The following SLC25A24 variants were observed in gnomAD, a reference collection of about 807,000 sequenced individuals.
SLC25A24 encodes mitochondrial adenyl nucleotide antiporter SLC25A24.
In SLC25A24, 49 loss-of-function variants were observed where a neutral mutation model predicts 60.7. The observed-to-expected ratio is 0.81, with a 90% CI of 0.64 to 1.02. The LOEUF (loss-of-function observed/expected upper bound fraction) is 1.02, where lower values mean the gene tolerates loss of function less well. Ranked by LOEUF, SLC25A24 falls within the 50% of genes least tolerant of loss-of-function variation. SLC25A24 has a pLI of 0.00. For synonymous variants in SLC25A24, 202 were observed against 200.6 expected, an observed-to-expected ratio of 1.01 and a Z score of -0.06; for missense variants, 564 against 586.3, an observed-to-expected ratio of 0.96 and a Z score of 0.39.
At chr1:108,163,827 T>C (rs530328247) in intron 3 of SLC25A24, among the ~76,000 whole-genome samples, 83 of 152,270 alleles carry the variant, frequency 5.5e-4, no homozygotes, top group Middle Eastern at 3.4e-3. Flanking sequence ...TCCAACACTA[T>C]GTCGAATAGG....
chr1:108,165,753 C>T (rs1027380547), intron 3 of SLC25A24, among the ~76,000 whole-genome samples: 2 of 152,128 alleles, frequency 1.3e-5, no homozygotes, highest in Admixed American at 6.5e-5. Flanking sequence ...ATCCAATTTG[C>T]CAGTCTGTGT....
intron 7 of SLC25A24, among the ~76,000 whole-genome samples, chr1:108,144,509 C>T (rs927767772): frequency 2.0e-5 from 3 of 152,112 alleles, no homozygotes; most frequent in Admixed American, 6.5e-5. Flanking sequence ...TATACACGTG[C>T]CATGGTGGTT....
rs1679263270 is a variant in SLC25A24 at position 108,135,701 on chromosome 1, C to T, written c.*952G>A. 6.6e-6 allele frequency: 1 copy of T among 152,516 alleles called. No homozygotes were observed. Among genetic ancestry groups the T allele is most frequent in the Admixed American group, 6.5e-5 (1 of 15,274 alleles). 9.4% of individuals were successfully genotyped at this position (152,516 alleles called of 1,614,324 possible). A position where few individuals can be genotyped will look rare whatever the true frequency, so the allele number is the denominator to read the frequency against. Reference sequence around the variant, plus strand: ...CTGCCCATATTGAAAACAGCAAGTTCAAAGATATTCAACAGTGAGGGAGAA... The same window carrying T: ...CTGCCCATATTGAAAACAGCAAGTTTAAAGATATTCAACAGTGAGGGAGAA... On this transcript the variant is annotated 3_prime_UTR_variant, in exon 10 of 10. Transcript: ENST00000565488.
At chr1:108,151,266 A>G (rs1679749019) in intron 6 of SLC25A24, among the ~76,000 whole-genome samples, 4 of 151,966 alleles carry the variant, frequency 2.6e-5, no homozygotes, top group African/African-American at 9.7e-5. Flanking sequence ...CCTCCACCCA[A>G]CATCTTTCTT....
chr1:108,192,903 T>G (rs1467536472), intron 1 of SLC25A24: 5 of 520,150 alleles, frequency 9.6e-6, no homozygotes, highest in Non-Finnish European at 1.3e-5. Flanking sequence ...AGTTCCTGCC[T>G]CACTCACGTC....
intron 1 of SLC25A24, chr1:108,192,718 G>A (rs1354004878): frequency 7.0e-7 from 1 of 1,427,428 alleles, no homozygotes; most frequent in African/African-American, 1.4e-5. Context: ...CACACGTCCA[G>A]TGGGAAGAGG....
intron 7 of SLC25A24, among the ~76,000 whole-genome samples, chr1:108,145,191 C>T (rs778950458): frequency 5.9e-5 from 9 of 152,094 alleles, no homozygotes; most frequent in African/African-American, 1.7e-4. Flanking sequence ...CCTTTTCTCA[C>T]GTTTGTTGGC....
At chr1:108,162,863 C>T (rs1268012604) in intron 3 of SLC25A24, among the ~76,000 whole-genome samples, 1 of 150,140 alleles carries the variant, frequency 6.7e-6, no homozygotes, top group East Asian at 2.0e-4. Context: ...ACATGAAGTC[C>T]TTGCCCATGC....
intron 1 of SLC25A24, among the ~76,000 whole-genome samples, chr1:108,187,974 A>C (rs1457417224): frequency 7.3e-5 from 10 of 136,790 alleles, no homozygotes; most frequent in African/African-American, 2.5e-4. Context: ...TCAGTCAATG[A>C]TAGACCATAT....
chr1:108,178,621 T>C (rs1647791059), intron 3 of SLC25A24, among the ~76,000 whole-genome samples: 1 of 152,126 alleles, frequency 6.6e-6, no homozygotes. Flanking sequence ...AAGACCATCC[T>C]GGCTAACACA....
intron 3 of SLC25A24, among the ~76,000 whole-genome samples, chr1:108,175,047 G>A (rs1647620627): frequency 6.6e-6 from 1 of 152,194 alleles, no homozygotes; most frequent in African/African-American, 2.4e-5. Flanking sequence ...AATGAGTTAA[G>A]ACGCTGAGGG....
chr1:108,181,102 G>A (rs1280329324), intron 3 of SLC25A24, among the ~76,000 whole-genome samples: 2 of 151,966 alleles, frequency 1.3e-5, no homozygotes, highest in East Asian at 1.9e-4. Flanking sequence ...AAGTCATTAC[G>A]TGCTCAGCCT....
chr1:108,136,103 CACT>C lies in SLC25A24; in HGVS notation c.*547_*549del, dbSNP rs1444935790. 3 of 152,204 alleles carry C rather than the reference CACT, an allele frequency of 2.0e-5. No individual in the cohort carries two copies. Among genetic ancestry groups the C allele is most frequent in the Admixed American group, 1.3e-4 (2 of 15,286 alleles). The allele number at this position is 152,204 out of a possible 1,614,324, so 9.4% of individuals were successfully genotyped here. On this transcript the variant is annotated 3_prime_UTR_variant, in exon 10 of 10. Transcript: ENST00000565488. ...CATCACTTCCCTTCAGAAATTCCAC[CACT>C]GTGTTCATTCGTATTCAGCTGAAAG...
At chr1:108,149,880 C>T (rs369735973) in intron 6 of SLC25A24, among the ~76,000 whole-genome samples, 1 of 152,180 alleles carries the variant, frequency 6.6e-6, no homozygotes, top group Non-Finnish European at 1.5e-5. Flanking sequence ...CAACAACATA[C>T]GATGACTTTC....
At chr1:108,157,658 T>G (rs1443197370) in intron 4 of SLC25A24, 38 bp from the exon 5 acceptor site, 2 of 1,589,040 alleles carry the variant, frequency 1.3e-6, no homozygotes, top group East Asian at 4.5e-5. Flanking sequence ...GCGCCTTAGT[T>G]AAAAATAATC....
At chr1:108,164,447 T>C (rs1037705074) in intron 3 of SLC25A24, among the ~76,000 whole-genome samples, 1 of 151,756 alleles carries the variant, frequency 6.6e-6, no homozygotes, top group African/African-American at 2.4e-5. Context: ...TGGTAAGCTA[T>C]TGATTATTGC....
intron 6 of SLC25A24, among the ~76,000 whole-genome samples, chr1:108,152,358 C>CTTTA (rs1276207349): frequency 6.6e-6 from 1 of 151,216 alleles, no homozygotes; most frequent in Admixed American, 6.6e-5. Flanking sequence ...TTATCTTCCC[C>CTTTA]TTTATTTATT....
intron 1 of SLC25A24, among the ~76,000 whole-genome samples, chr1:108,188,459 G>A (rs6674626): frequency 0.029 from 4,408 of 152,082 alleles, 228 homozygotes; most frequent in African/African-American, 0.1. Flanking sequence ...AACTGCCTAC[G>A]GTATTCAGTA....
chr1:108,144,908 T>C (rs568678575), intron 7 of SLC25A24, among the ~76,000 whole-genome samples: 2 of 152,354 alleles, frequency 1.3e-5, no homozygotes, highest in South Asian at 2.1e-4. Flanking sequence ...CATGTGTCTT[T>C]ATAGTAGAAA....
Sources: gnomAD v4.1 joint callset for allele counts (sites outside exome capture counted in the v4.1 genomes callset) on GRCh38, gnomAD v4.1.1 for gene constraint, MANE v1.5 for transcripts, NCBI Gene and HGNC (gene_info 2026-07-23, HGNC 2026-07-21) for gene names.